Variants in TBC1D12 observed in about 807,000 individuals in gnomAD.
TBC1D12 encodes the protein TBC1 domain family member 12, also known as TBC1 domain family, member 12.
A neutral mutation model predicts 86.7 loss-of-function variants in TBC1D12; 56 were observed. That is an observed-to-expected ratio of 0.65 (90% CI 0.52 to 0.81). The LOEUF is 0.81. Ranked by LOEUF, TBC1D12 falls within the 30% of genes least tolerant of loss-of-function variation. The pLI is 0.00. For missense variants in TBC1D12, 1,023 were observed against 1,038.8 expected, an observed-to-expected ratio of 0.98 and a Z score of 0.21; for synonymous variants, 421 against 411.7, an observed-to-expected ratio of 1.02 and a Z score of -0.27.
At chr10:94,425,833 A>G (rs11187939) in intron 1 of TBC1D12, among the ~76,000 whole-genome samples, 68,502 of 151,864 alleles carry the variant, frequency 0.45, 15,802 homozygotes, top group East Asian at 0.79. Flanking sequence ...TATTTGGGTC[A>G]TTTTTTATTT....
chr10:94,430,724 G>A (rs1162867315), intron 1 of TBC1D12, among the ~76,000 whole-genome samples: 2 of 152,150 alleles, frequency 1.3e-5, no homozygotes, highest in South Asian at 4.1e-4. Context: ...AGCCACTAAG[G>A]GAGAAGGCAG....
rs371003755 is a variant in TBC1D12, at chr10:94,507,327, G to T, written c.1580G>T (p.Ser527Ile). Residue 527 changes from serine to isoleucine, a missense_variant, in exon 7 of 13, where the codon AGT becomes ATT. By Grantham distance (142) the Ser-to-Ile change is moderately radical. Transcript: ENST00000225235. ...CGGTGGAAAAGTTTCAGTGAAACAA[G>T]TTCAGAGAATGATACAGAAGGTGTG... ...KERWKSFSET[S>I]SENDTEGVSV... The T allele has an allele frequency of 6.2e-7, 1 of 1,607,106 alleles. No homozygotes were observed. Among genetic ancestry groups the T allele is most frequent in the Non-Finnish European group, 8.5e-7 (1 of 1,178,710 alleles).
chr10:94,469,485 GTCAC>G (rs1181137041), intron 2 of TBC1D12, among the ~76,000 whole-genome samples: 2 of 113,414 alleles, frequency 1.8e-5, no homozygotes, highest in South Asian at 3.0e-4. Flanking sequence ...GTCTCATTCT[GTCAC>G]TCACGCTGGA....
chr10:94,405,665 A>G (rs903609569), intron 1 of TBC1D12, among the ~76,000 whole-genome samples: 4 of 152,152 alleles, frequency 2.6e-5, no homozygotes, highest in African/African-American at 9.7e-5. Flanking sequence ...AACAAATTCA[A>G]CTAGTATACT....
intron 6 of TBC1D12, among the ~76,000 whole-genome samples, chr10:94,506,263 T>C (rs2061907175): frequency 6.6e-6 from 1 of 152,168 alleles, no homozygotes; most frequent in Non-Finnish European, 1.5e-5. Context: ...GGTCTCAAAC[T>C]CCTGACCTCA....
At chr10:94,447,513 A>C in intron 2 of TBC1D12, 1 of 653,634 alleles carries the variant, frequency 1.5e-6, no homozygotes, top group Non-Finnish European at 1.9e-6. Context: ...AAGAAACATA[A>C]AAAACGTTTT....
chr10:94,456,056 G>A (rs946778994), intron 2 of TBC1D12, among the ~76,000 whole-genome samples: 1 of 152,060 alleles, frequency 6.6e-6, no homozygotes, highest in African/African-American at 2.4e-5. Context: ...AGTAATTTGT[G>A]TCTTTTTTGT....
chr10:94,467,962 A>G (rs1458320763), intron 2 of TBC1D12, among the ~76,000 whole-genome samples: 1 of 152,240 alleles, frequency 6.6e-6, no homozygotes, highest in African/African-American at 2.4e-5. Context: ...CACTCTTAGG[A>G]ATATAGCTCT....
Position 94,531,190 on chromosome 10 carries a change from C to T in TBC1D12, c.2001-12C>T, listed in dbSNP as rs764772231. 3.1e-6 allele frequency: 5 copies of T among 1,591,860 alleles called. No individual in the cohort carries two copies. The highest frequency in any genetic ancestry group is 3.5e-5 in the Admixed American group (2 of 57,634). ...GAAAAATTTCAGTGACCATTTTTCC[C>T]TCTAATTTTAGGATCTTCACACTAT... is the stretch of plus-strand genomic sequence containing the variant. On this transcript the variant is annotated splice_polypyrimidine_tract_variant and intron_variant, in intron 11 of 12. Transcript: ENST00000225235.
At chr10:94,439,615 G>A (rs1006659345) in intron 1 of TBC1D12, among the ~76,000 whole-genome samples, 3 of 152,174 alleles carry the variant, frequency 2.0e-5, no homozygotes, top group South Asian at 2.1e-4. Context: ...ACTTCTACCC[G>A]ATCCACTCTG....
At chr10:94,452,093 T>C (rs528350623) in intron 2 of TBC1D12, among the ~76,000 whole-genome samples, 147 of 150,344 alleles carry the variant, frequency 9.8e-4, no homozygotes, top group Middle Eastern at 3.5e-3. Flanking sequence ...TAAATATATG[T>C]ATTTAAATTC....
intron 2 of TBC1D12, among the ~76,000 whole-genome samples, chr10:94,449,940 T>G (rs1267118878): frequency 6.6e-6 from 1 of 152,180 alleles, no homozygotes; most frequent in Non-Finnish European, 1.5e-5. Flanking sequence ...GTAAATCGCT[T>G]TCGCTACAAA....
chr10:94,441,431 A>C (rs866041390), intron 1 of TBC1D12, among the ~76,000 whole-genome samples: 1 of 152,132 alleles, frequency 6.6e-6, no homozygotes, highest in Non-Finnish European at 1.5e-5. Flanking sequence ...TCTTATTGTT[A>C]AGTACATGTA....
At chr10:94,506,041 A>ATTT (rs34002367) in intron 6 of TBC1D12, among the ~76,000 whole-genome samples, 1 of 148,400 alleles carries the variant, frequency 6.7e-6, no homozygotes, top group African/African-American at 2.5e-5. Context: ...ACTTTTTGAA[A>ATTT]TTTTTTTTTT....
intron 1 of TBC1D12, among the ~76,000 whole-genome samples, chr10:94,417,756 T>G (rs1192953030): frequency 1.3e-5 from 2 of 151,328 alleles, no homozygotes; most frequent in African/African-American, 4.9e-5. Flanking sequence ...TCTTCTTTTT[T>G]TTTTTTTTTT....
rs765655848 is a variant in TBC1D12, at chr10:94,500,229, C to T, written c.1421C>T (p.Thr474Ile). Residue 474 changes from threonine (T) to isoleucine (I), a missense_variant, in exon 6 of 13, where the codon ACA (threonine) becomes ATA (isoleucine). Physicochemically the swap from Thr to Ile is moderately conservative, Grantham distance 89. Coordinates refer to ENST00000225235, the MANE Select transcript of TBC1D12 (RefSeq NM_015188.2). Reference sequence around the variant, plus strand: ...TCCTCCTTTAATTCTAGGCGTAGTACAAGAAGAGTTCGAGAATTGTGGTGG... The same window carrying T: ...TCCTCCTTTAATTCTAGGCGTAGTATAAGAAGAGTTCGAGAATTGTGGTGG... ...ILPNWEVMRS[T>I]RRVRELWWQG... is the part of the protein sequence containing the mutation. 6.2e-7 allele frequency: 1 copy of T among 1,613,634 alleles called. No individual in the cohort carries two copies. Among genetic ancestry groups the T allele is most frequent in the Non-Finnish European group, 8.5e-7 (1 of 1,179,810 alleles).
intron 5 of TBC1D12, among the ~76,000 whole-genome samples, chr10:94,498,016 G>A (rs993993712): frequency 2.0e-5 from 3 of 151,884 alleles, no homozygotes; most frequent in Non-Finnish European, 4.4e-5. Context: ...TAGAGACGGG[G>A]TTTCACCATT....
rs60104750 is a variant in TBC1D12 at position 94,487,242 on chromosome 10, C to CTT, written c.1212-6108_1212-6107dup. Among the ~76,000 whole-genome samples, 608 of 127,592 alleles carry CTT rather than the reference C, an allele frequency of 4.8e-3. 3 individuals carry two copies. The highest frequency in any genetic ancestry group is 0.012 in the African/African-American group (421 of 34,174). The allele number at this position is 127,592 out of a possible 152,430, so 83.7% of individuals were successfully genotyped here. ...TCTTGGAGGCATCATATCATTGGGT[C>CTT]TTTTTTTTTTTTTTTTAAATCTATT... On this transcript the variant is annotated intron_variant, in intron 3 of 12. Transcript: ENST00000225235.
intron 2 of TBC1D12, among the ~76,000 whole-genome samples, chr10:94,471,832 T>C (rs926934112): frequency 2.0e-5 from 3 of 152,254 alleles, no homozygotes; most frequent in African/African-American, 7.2e-5. Flanking sequence ...GATAATTTTA[T>C]GCATATTTAA....
Sources: allele counts gnomAD v4.1 joint callset (sites outside exome capture counted in the v4.1 genomes callset), GRCh38; gene constraint gnomAD v4.1.1; transcripts MANE v1.5; gene names NCBI Gene and HGNC (gene_info 2026-07-23, HGNC 2026-07-21).